The following NTMT2 variants were observed in gnomAD, a reference collection of about 807,000 sequenced individuals.
The protein encoded by NTMT2 is N-terminal Xaa-Pro-Lys N-methyltransferase 2, also known as X-Pro-Lys N-terminal protein methyltransferase 1B.
In NTMT2, 21 loss-of-function variants were observed where a neutral mutation model predicts 23.4. The ratio of observed to expected loss-of-function variants is 0.90; its 90% CI spans 0.64 to 1.29. The LOEUF is 1.29. NTMT2 is among the 50% of genes most tolerant of loss of function. The pLI is 0.00. For synonymous variants in NTMT2, 131 were observed against 127.7 expected (o/e 1.03, Z -0.17); for missense variants, 336 against 352.0 (o/e 0.95, Z 0.36).
intron 2 of NTMT2, chr1:170,161,474 AAGAC>A (rs1344049966): frequency 6.6e-6 from 1 of 152,178 alleles, no homozygotes; most frequent in Non-Finnish European, 1.5e-5. Context: ...ATGTCATATG[AAGAC>A]AGACAGTATA....
chr1:170,167,206 CATGGAGG>C (rs1438195787), intron 3 of NTMT2, among the ~76,000 whole-genome samples: 8 of 152,100 alleles, frequency 5.3e-5, no homozygotes, highest in Non-Finnish European at 1.2e-4. Flanking sequence ...CTCCAGGGGA[CATGGAGG>C]GACTTGTGGG....
chr1:170,166,516 T>C lies in NTMT2; in HGVS notation c.345T>C (p.Ala115=), dbSNP rs1312324229. 1 of 1,552,250 alleles carries C rather than the reference T, an allele frequency of 6.4e-7. No individual in the cohort carries two copies. ...CCTTTCTGCAGGGGCCTGGGAGAGC[T>C]GGAACAGACTGCGCCTTGGACTGCG... is the stretch of plus-strand genomic sequence containing the variant. ...LRKFVGGPGR[A]GTDCALDCGS... Residue 115 remains alanine (A), a synonymous_variant, in exon 3 of 4, where the codon GCT becomes GCC. Transcript: ENST00000439373.
At chr1:170,160,989 G>T (rs998753904) in intron 2 of NTMT2, among the ~76,000 whole-genome samples, 1 of 152,174 alleles carries the variant, frequency 6.6e-6, no homozygotes, top group Non-Finnish European at 1.5e-5. Context: ...GAATAAAGAA[G>T]ACATCTCTTT....
At position 170,163,999 on chromosome 1, in the gene NTMT2, G is replaced by A. The variant is rs182289472; in HGVS notation, c.331-2503G>A. Among the ~76,000 whole-genome samples the A allele has an allele frequency of 5.3e-5, 8 of 152,036 alleles. No individual in the cohort carries two copies. In the East Asian group the frequency reaches 1.6e-3, roughly 29 times the overall value. On this transcript the variant is annotated intron_variant, in intron 2 of 3. Transcript: ENST00000439373. ...CAGTGGTGTGTGATAGTGCACACCT[G>A]TAATCTGAGCTACTCGGGATGCTGA...
intron 3 of NTMT2, among the ~76,000 whole-genome samples, chr1:170,167,154 GGT>G (rs1673411193): frequency 6.6e-6 from 1 of 152,088 alleles, no homozygotes; most frequent in Non-Finnish European, 1.5e-5. Context: ...TTGATTTTGG[GGT>G]GTGTGTGTGA....
chr1:170,161,459 C>G (rs1163274173), intron 2 of NTMT2: 2 of 152,202 alleles, frequency 1.3e-5, no homozygotes, highest in Non-Finnish European at 2.9e-5. Flanking sequence ...TACTTCCTTA[C>G]TGTCATGTCA....
intron 1 of NTMT2, among the ~76,000 whole-genome samples, chr1:170,152,962 T>A (rs1338803679): frequency 6.6e-6 from 1 of 152,186 alleles, no homozygotes; most frequent in East Asian, 1.9e-4. Flanking sequence ...GGATCCCTCA[T>A]GCCTTGGTGT....
intron 1 of NTMT2, among the ~76,000 whole-genome samples, chr1:170,159,420 G>GTTTTTTTTTTTTTTTTTTTTTTTTT (rs1673225599): frequency 1.1e-5 from 1 of 88,224 alleles, no homozygotes; most frequent in Non-Finnish European, 2.1e-5. Flanking sequence ...TTTATGCTCT[G>GTTTTTTTTTTTTTTTTTTTTTTTTT]GTTTTTTTTT....
intron 3 of NTMT2, among the ~76,000 whole-genome samples, chr1:170,167,025 G>A (rs1316610352): frequency 6.6e-6 from 1 of 152,100 alleles, no homozygotes; most frequent in Non-Finnish European, 1.5e-5. Flanking sequence ...CTAAATCCTC[G>A]AAGAAATGTA....
chr1:170,167,557 A>C lies in NTMT2; in HGVS notation c.652A>C (p.Ile218Leu). Residue 218 changes from isoleucine (I) to leucine (L), a missense_variant, in exon 4 of 4, where the codon ATC becomes CTC. Coordinates refer to ENST00000439373, the MANE Select transcript of NTMT2 (RefSeq NM_001136107.2). Reference sequence around the variant, plus strand: ...AGATGGCCTGAAAGAAAATGGCATCATCATATTGAAGGACAATGTGGCCCG... The same window carrying C: ...AGATGGCCTGAAAGAAAATGGCATCCTCATATTGAAGGACAATGTGGCCCG... ...CRDGLKENGI[I>L]ILKDNVAREG... 1 of 1,551,698 alleles carries C rather than the reference A, an allele frequency of 6.4e-7. No homozygotes were observed. Among genetic ancestry groups the C allele is most frequent in the Non-Finnish European group, 8.7e-7 (1 of 1,147,002 alleles).
chr1:170,162,655 G>A, intron 2 of NTMT2, among the ~76,000 whole-genome samples: 1 of 152,304 alleles, frequency 6.6e-6, no homozygotes, highest in East Asian at 1.9e-4. Flanking sequence ...CCAATTCTTG[G>A]AGGTAAGTGC....
intron 1 of NTMT2, among the ~76,000 whole-genome samples, chr1:170,151,112 C>A (rs889153326): frequency 1.3e-5 from 2 of 152,080 alleles, no homozygotes; most frequent in Non-Finnish European, 2.9e-5. Flanking sequence ...AACAGAAAGA[C>A]CAGAAGCTTT....
At chr1:170,156,618 A>G (rs1376813558) in intron 1 of NTMT2, among the ~76,000 whole-genome samples, 1 of 152,110 alleles carries the variant, frequency 6.6e-6, no homozygotes, top group Non-Finnish European at 1.5e-5. Context: ...ATATATTTCT[A>G]TAGTAAAAAG....
At chr1:170,152,936 T>C (rs1305940059) in intron 1 of NTMT2, among the ~76,000 whole-genome samples, 1 of 152,102 alleles carries the variant, frequency 6.6e-6, no homozygotes. Context: ...GTAGGAGGTG[T>C]TTGGGTCATG....
chr1:170,160,395 C>T (rs1673253748), intron 1 of NTMT2, 123 bp from the exon 2 acceptor site: 1 of 890,404 alleles, frequency 1.1e-6, no homozygotes, highest in Admixed American at 3.5e-5. Flanking sequence ...CTTTTGACTT[C>T]AAACCAGTGC....
At chr1:170,146,351 A>G in intron 1 of NTMT2, 90 bp downstream of exon 1, 1 of 1,279,434 alleles carries the variant, frequency 7.8e-7, no homozygotes, top group Non-Finnish European at 1.1e-6. Context: ...AATTTAAAAC[A>G]AGGACACTTT....
intron 1 of NTMT2, among the ~76,000 whole-genome samples, chr1:170,150,575 A>G (rs555309501): frequency 6.6e-6 from 1 of 152,288 alleles, no homozygotes; most frequent in South Asian, 2.1e-4. Context: ...TCTTTTTTAA[A>G]CCACTACATA....
chr1:170,146,775 TA>T (rs1163420371), intron 1 of NTMT2, among the ~76,000 whole-genome samples: 1 of 152,130 alleles, frequency 6.6e-6, no homozygotes, highest in Non-Finnish European at 1.5e-5. Flanking sequence ...TCAGAGAGCC[TA>T]AAAAAAGGAG....
At chr1:170,152,001 A>G (rs1673079172) in intron 1 of NTMT2, among the ~76,000 whole-genome samples, 1 of 152,182 alleles carries the variant, frequency 6.6e-6, no homozygotes, top group South Asian at 2.1e-4. Context: ...CAAAGGTATG[A>G]CTTATGTGTG....
Sources: allele counts gnomAD v4.1 joint callset (sites outside exome capture counted in the v4.1 genomes callset), GRCh38; gene constraint gnomAD v4.1.1; transcripts MANE v1.5; gene names NCBI Gene and HGNC (gene_info 2026-07-23, HGNC 2026-07-21).